HRK: variants seen among roughly 807,000 people sequenced by gnomAD.
HRK encodes the protein harakiri, BCL2 interacting protein.
In HRK, 6 loss-of-function variants were observed where a neutral mutation model predicts 5.9. The ratio of observed to expected loss-of-function variants is 1.02; its 90% CI spans 0.56 to 2.01. HRK has a LOEUF of 2.01. Ranked by LOEUF, HRK falls within the 30% of genes most tolerant of loss-of-function variation. The probability of loss-of-function intolerance (pLI) is 0.00; values close to 1 mark genes in which losing one functional copy is unlikely to be tolerated. For synonymous variants in HRK, 85 were observed against 65.1 expected (o/e 1.31, Z -1.47); for missense variants, 133 against 128.3 (o/e 1.04, Z -0.18).
At chr12:116,866,743 A>G (rs1006765522) in intron 1 of HRK, among the ~76,000 whole-genome samples, 2 of 152,198 alleles carry the variant, frequency 1.3e-5, no homozygotes, top group Non-Finnish European at 2.9e-5. Flanking sequence ...AACTTACGGC[A>G]GGTGGGCCTT....
intron 1 of HRK, among the ~76,000 whole-genome samples, chr12:116,873,845 C>G (rs761147602): frequency 6.6e-6 from 1 of 152,122 alleles, no homozygotes; most frequent in Non-Finnish European, 1.5e-5. Context: ...TTCTCCTTGC[C>G]TGGCCAACCA....
In HRK at chr12:116,879,990, A is replaced by G. The variant is rs1333355436; in HGVS notation, c.*56+986T>C. On this transcript the variant is annotated intron_variant, in intron 1 of 1. Coordinates refer to ENST00000257572, the MANE Select transcript of HRK (RefSeq NM_003806.4). This position sits in a 1 kb window ranked among gnomAD's most constrained non-coding sequence, Gnocchi z 5.6. ...CGCTACTCCAGGATCCAGAGTAGTA[A>G]GACGATGCTTACGCTGTGTGCTTCC... 2.0e-5 allele frequency among the ~76,000 whole-genome samples: 3 copies of G among 152,144 alleles called. No individual in the cohort carries two copies. The highest frequency in any genetic ancestry group is 7.2e-5 in the African/African-American group (3 of 41,436).
intron 1 of HRK, among the ~76,000 whole-genome samples, chr12:116,868,675 T>C (rs900571037): frequency 1.3e-5 from 2 of 152,234 alleles, no homozygotes; most frequent in Admixed American, 6.5e-5. Flanking sequence ...CATTCATTCA[T>C]TCATTCACCA....
chr12:116,864,927 G>T (rs1036536207), intron 1 of HRK, among the ~76,000 whole-genome samples: 1 of 152,194 alleles, frequency 6.6e-6, no homozygotes, highest in African/African-American at 2.4e-5. Context: ...GGCTCGTAAA[G>T]AATTTTCTCA....
At position 116,879,240 on chromosome 12, in the gene HRK, AT is replaced by A. The variant is rs2137256030; in HGVS notation, c.*56+1735del. The A allele has an allele frequency of 6.6e-6, 1 of 152,348 alleles. No individual in the cohort carries two copies. Among genetic ancestry groups the A allele is most frequent in the South Asian group, 2.1e-4 (1 of 4,826 alleles). The allele number at this position is 152,348 out of a possible 1,614,324, so 9.4% of individuals were successfully genotyped here. A position where few individuals can be genotyped will look rare whatever the true frequency, so the allele number is the denominator to read the frequency against. On this transcript the variant is annotated intron_variant, in intron 1 of 1. Coordinates refer to ENST00000257572, the MANE Select transcript of HRK (RefSeq NM_003806.4). This position sits in a 1 kb window ranked among gnomAD's most constrained non-coding sequence, Gnocchi z 5.6. ...GTCCCAGCCCTCTCTCCACAGTTCT[AT>A]TTGATTTTACTACCTTCCTCTCTTT...
Position 116,881,158 on chromosome 12 carries a change from C to G in HRK, c.150G>C (p.Trp50Cys), listed in dbSNP as rs1184710718. The G allele has an allele frequency of 3.4e-6, 4 of 1,179,666 alleles. No individual in the cohort carries two copies. The highest frequency in any genetic ancestry group is 9.1e-5 in the Admixed American group (2 of 21,966). The allele number at this position is 1,179,666 out of a possible 1,614,324, so 73.1% of individuals were successfully genotyped here. The stretch of plus-strand genomic sequence containing the variant: ...CCCTCCGGCTCCGCGCGCGGCGCCG[C>G]CACATGGTGCGCTGGTGCAGCTCGT... ...LGDELHQRTM[W>C]RRRARSRRAP... The change falls in exon 1 of 2, where the codon TGG becomes TGC. Residue 50 changes from tryptophan to cysteine, a missense_variant. Trp to Cys is a radical substitution (Grantham distance 215). Transcript: ENST00000257572.
chr12:116,866,216 A>T (rs1482085064), intron 1 of HRK, among the ~76,000 whole-genome samples: 1 of 148,160 alleles, frequency 6.7e-6, no homozygotes, highest in African/African-American at 2.5e-5. Context: ...CAGCAGGTTG[A>T]TTTTGACCAA....
In HRK at chr12:116,860,019, G is replaced by A. The variant is rs1260157461; in HGVS notation, c.*1504C>T. 2.0e-5 allele frequency: 3 copies of A among 152,252 alleles called. No homozygotes were observed. Among genetic ancestry groups the A allele is most frequent in the Non-Finnish European group, 4.4e-5 (3 of 68,086 alleles). The allele number at this position is 152,252 out of a possible 1,614,324, so 9.4% of individuals were successfully genotyped here. Reference sequence around the variant, plus strand: ...CTGCTGGCGTCTTAGAACTGGAGCGGTGTCTGCTAACCAGCCTGCTGGACC... The same window carrying A: ...CTGCTGGCGTCTTAGAACTGGAGCGATGTCTGCTAACCAGCCTGCTGGACC... On this transcript the variant is annotated 3_prime_UTR_variant, in exon 2 of 2. Coordinates refer to ENST00000257572, the MANE Select transcript of HRK (RefSeq NM_003806.4).
At chr12:116,868,968 G>T (rs1054071959) in intron 1 of HRK, among the ~76,000 whole-genome samples, 1 of 146,272 alleles carries the variant, frequency 6.8e-6, no homozygotes, top group African/African-American at 2.5e-5. Context: ...CTTCTTCTTC[G>T]TTTTTTTTTT....
rs889573716 is a variant in HRK at position 116,856,637 on chromosome 12, G to T, written c.*4886C>A. 6.6e-6 allele frequency: 1 copy of T among 152,258 alleles called. No individual in the cohort carries two copies. The highest frequency in any genetic ancestry group is 2.1e-4 in the South Asian group (1 of 4,832). The allele number at this position is 152,258 out of a possible 1,614,324, so 9.4% of individuals were successfully genotyped here. A position where few individuals can be genotyped will look rare whatever the true frequency, so the allele number is the denominator to read the frequency against. On this transcript the variant is annotated 3_prime_UTR_variant, in exon 2 of 2. Coordinates refer to ENST00000257572, the MANE Select transcript of HRK (RefSeq NM_003806.4). The surrounding 1 kb of genome is among the most constrained non-coding windows in gnomAD (Gnocchi z 4.4). ...ACTTTTTCCAGTAGACCTAAGTCAG[G>T]CCCCGGCTCCCAGTGGGGCCATGTG...
intron 1 of HRK, among the ~76,000 whole-genome samples, chr12:116,869,995 G>A (rs1036902269): frequency 6.6e-6 from 1 of 152,128 alleles, no homozygotes; most frequent in Non-Finnish European, 1.5e-5. Flanking sequence ...CGGAAGAATC[G>A]CTTGAACCCG....
chr12:116,872,240 G>A (rs939738167), intron 1 of HRK, among the ~76,000 whole-genome samples: 1 of 151,584 alleles, frequency 6.6e-6, no homozygotes, highest in African/African-American at 2.4e-5. Flanking sequence ...TGTGGTGGCA[G>A]GCACCTGTAA....
rs1328589497 is a variant in HRK, at chr12:116,859,000, G to T, written c.*2523C>A. 1 of 152,030 alleles carries T rather than the reference G, an allele frequency of 6.6e-6. No individual in the cohort carries two copies. The highest frequency in any genetic ancestry group is 2.4e-5 in the African/African-American group (1 of 41,372). 9.4% of individuals were successfully genotyped at this position (152,030 alleles called of 1,614,324 possible). A position where few individuals can be genotyped will look rare whatever the true frequency, so the allele number is the denominator to read the frequency against. ...AAAAACAACCCCGTGTCAAAAATCG[G>T]GGCAGTCGAGAAGTGCACTCCAATG... On this transcript the variant is annotated 3_prime_UTR_variant, in exon 2 of 2. Coordinates refer to ENST00000257572, the MANE Select transcript of HRK (RefSeq NM_003806.4).
chr12:116,872,914 A>AT (rs71099013), intron 1 of HRK, among the ~76,000 whole-genome samples: 71,923 of 140,854 alleles, frequency 0.51, 21,861 homozygotes, highest in Non-Finnish European at 0.66. Flanking sequence ...AAAAAGAGAA[A>AT]GGAAGAAAGA....
intron 1 of HRK, among the ~76,000 whole-genome samples, chr12:116,866,618 T>C (rs1000233369): frequency 1.3e-5 from 2 of 152,036 alleles, no homozygotes; most frequent in East Asian, 3.9e-4. Context: ...GGAAGAAGTA[T>C]TTGCTCTCCT....
intron 1 of HRK, among the ~76,000 whole-genome samples, chr12:116,866,281 G>A (rs1381619558): frequency 6.6e-6 from 1 of 151,718 alleles, no homozygotes; most frequent in Non-Finnish European, 1.5e-5. Context: ...GAAGGACTGG[G>A]CATGGTGGCA....
rs1878346493 is a variant in HRK, at chr12:116,861,043, T to A, written c.*480A>T. 1 of 152,132 alleles carries A rather than the reference T, an allele frequency of 6.6e-6. No homozygotes were observed. The allele number at this position is 152,132 out of a possible 1,614,324, so 9.4% of individuals were successfully genotyped here. On this transcript the variant is annotated 3_prime_UTR_variant, in exon 2 of 2. Coordinates refer to ENST00000257572, the MANE Select transcript of HRK (RefSeq NM_003806.4). ...TGTTACCTCTTATTCCACCAGCATCTATCCCCAGGCAGTTGGCCGATGCTG... is the reference window on the plus strand; with the variant it reads ...TGTTACCTCTTATTCCACCAGCATCAATCCCCAGGCAGTTGGCCGATGCTG...
At chr12:116,864,905 T>C (rs1190721554) in intron 1 of HRK, among the ~76,000 whole-genome samples, 1 of 152,218 alleles carries the variant, frequency 6.6e-6, no homozygotes, top group Non-Finnish European at 1.5e-5. Context: ...TGGGATGTGT[T>C]CCCTTAAACT....
chr12:116,860,256 C>T lies in HRK; in HGVS notation c.*1267G>A, dbSNP rs1878310173. The T allele has an allele frequency of 1.3e-5, 2 of 152,156 alleles. No individual in the cohort carries two copies. Among genetic ancestry groups the T allele is most frequent in the South Asian group, 4.1e-4 (2 of 4,832 alleles). 9.4% of individuals were successfully genotyped at this position (152,156 alleles called of 1,614,324 possible). ...TGAAGAGTCTTTGCAGCCAAGTCTC[C>T]GTCCAGCACACATCTTTTTTTAGCC... On this transcript the variant is annotated 3_prime_UTR_variant, in exon 2 of 2. Coordinates refer to ENST00000257572, the MANE Select transcript of HRK (RefSeq NM_003806.4).
Sources: gnomAD v4.1 joint callset for allele counts (sites outside exome capture counted in the v4.1 genomes callset) on GRCh38, gnomAD v4.1.1 for gene constraint, Gnocchi (gnomAD v3.1) non-coding constraint, MANE v1.5 for transcripts, NCBI Gene and HGNC (gene_info 2026-07-23, HGNC 2026-07-21) for gene names.